Variants in FAM20C observed in about 807,000 individuals in gnomAD.
FAM20C encodes the protein FAM20C golgi associated secretory pathway kinase, also known as extracellular serine/threonine protein kinase FAM20C.
In FAM20C, 40 loss-of-function variants were observed where a neutral mutation model predicts 51.5. That is an observed-to-expected ratio of 0.78 (90% CI 0.60 to 1.01). FAM20C has a LOEUF of 1.01. Among genes scored for constraint, FAM20C ranks in the 50% least tolerant of loss-of-function variants. FAM20C has a pLI of 0.00. For missense variants in FAM20C, 861 were observed against 844.7 expected (o/e 1.02, Z -0.24); for synonymous variants, 406 against 380.6 (o/e 1.07, Z -0.78).
rs1406495991 is a variant in FAM20C, at chr7:260,767, C to G, written c.*787C>G. On this transcript the variant is annotated 3_prime_UTR_variant, in exon 10 of 10. Transcript: ENST00000313766. ...TGTGTGTCGGCCTCACGGGGCGGGTCCCTCACACCCTGGTGTGTGGCTGCC... is the reference window on the plus strand; with the variant it reads ...TGTGTGTCGGCCTCACGGGGCGGGTGCCTCACACCCTGGTGTGTGGCTGCC... 1 of 152,238 alleles carries G rather than the reference C, an allele frequency of 6.6e-6. No homozygotes were observed. The highest frequency in any genetic ancestry group is 2.4e-5 in the African/African-American group (1 of 41,470). The allele number at this position is 152,238 out of a possible 1,614,324, so 9.4% of individuals were successfully genotyped here.
At chr7:216,619 A>ATGAGTGTGTG (rs776848675) in intron 3 of FAM20C, among the ~76,000 whole-genome samples, 2,296 of 131,396 alleles carry the variant, frequency 0.017, 20 homozygotes, top group Middle Eastern at 0.069. Flanking sequence ...GTGTGTGTGT[A>ATGAGTGTGTG]TGAGTGTGTG....
At position 259,938 on chromosome 7, in the gene FAM20C, T is replaced by C. The variant is rs893498224; in HGVS notation, c.1713T>C (p.Asp571=). 1 of 1,531,336 alleles carries C rather than the reference T, an allele frequency of 6.5e-7. No homozygotes were observed. The highest frequency in any genetic ancestry group is 8.7e-7 in the Non-Finnish European group (1 of 1,142,974). 94.9% of individuals were successfully genotyped at this position (1,531,336 alleles called of 1,614,324 possible). A position where few individuals can be genotyped will look rare whatever the true frequency, so the allele number is the denominator to read the frequency against. The change falls in exon 10 of 10, where the codon GAT becomes GAC. Residue 571 remains aspartate (D), a synonymous_variant. Coordinates refer to ENST00000313766, the MANE Select transcript of FAM20C (RefSeq NM_020223.4). Reference sequence around the variant, plus strand: ...GGAACGGGCTCCACAGCGTGGTGGATGACGACCTGGACACTGAGCACAGAG... The same window carrying C: ...GGAACGGGCTCCACAGCGTGGTGGACGACGACCTGGACACTGAGCACAGAG... The part of the protein sequence containing the change: ...VERNGLHSVV[D]DDLDTEHRAA...
intron 2 of FAM20C, among the ~76,000 whole-genome samples, chr7:199,371 C>G (rs1786027929): frequency 6.6e-6 from 1 of 152,242 alleles, no homozygotes; most frequent in Non-Finnish European, 1.5e-5. Context: ...GCCCTGCCTT[C>G]CAACCACCGC....
intron 5 of FAM20C, among the ~76,000 whole-genome samples, chr7:250,897 C>T (rs1473526908): frequency 1.3e-5 from 2 of 152,252 alleles, no homozygotes; most frequent in East Asian, 3.8e-4. Flanking sequence ...GTGCCAGCGC[C>T]CCATGCAGTG....
At chr7:206,575 T>TCGGCCCCG (rs1423985262) in intron 2 of FAM20C, among the ~76,000 whole-genome samples, 2 of 74,852 alleles carry the variant, frequency 2.7e-5, no homozygotes, top group Admixed American at 1.3e-4. Context: ...CACTGTCCCC[T>TCGGCCCCG]CAGCCCCGCA....
chr7:222,895 G>T (rs1271735210), intron 3 of FAM20C, among the ~76,000 whole-genome samples: 1 of 152,104 alleles, frequency 6.6e-6, no homozygotes, highest in African/African-American at 2.4e-5. Flanking sequence ...GTGTACATGT[G>T]TAACGTGTGT....
At chr7:241,448 G>A (rs1322929587) in intron 3 of FAM20C, among the ~76,000 whole-genome samples, 3 of 152,306 alleles carry the variant, frequency 2.0e-5, no homozygotes, top group South Asian at 4.1e-4. Context: ...CACTAAATGC[G>A]CTTTCCCAGC....
chr7:228,425 C>G (rs1787526107), intron 3 of FAM20C: 1 of 455,814 alleles, frequency 2.2e-6, no homozygotes, highest in Admixed American at 2.4e-5. Flanking sequence ...TGAGGAGACC[C>G]CCAAGACTGG....
chr7:196,135 C>G (rs749963070), intron 2 of FAM20C, among the ~76,000 whole-genome samples: 4 of 152,218 alleles, frequency 2.6e-5, no homozygotes, highest in Non-Finnish European at 5.9e-5. Context: ...ACACACGACC[C>G]TGGCTGGGTG....
intron 3 of FAM20C, among the ~76,000 whole-genome samples, chr7:232,873 G>A (rs1787741847): frequency 6.6e-6 from 1 of 152,220 alleles, no homozygotes; most frequent in African/African-American, 2.4e-5. Context: ...GAGAAACAAC[G>A]AATCCTCTTG....
At position 214,467 on chromosome 7, in the gene FAM20C, T is replaced by C. The variant is rs540602547; in HGVS notation, c.863+5491T>C. Among the ~76,000 whole-genome samples, 6 of 152,364 alleles carry C rather than the reference T, an allele frequency of 3.9e-5. No individual in the cohort carries two copies. In the East Asian group the frequency reaches 1.2e-3, roughly 29 times the overall value. ...TGCTTTTGGTGTAATTACGTTTGAA[T>C]GCTGAAAGCACGTGTGTTAGGCGAA... On this transcript the variant is annotated intron_variant, in intron 3 of 9. Coordinates refer to ENST00000313766, the MANE Select transcript of FAM20C (RefSeq NM_020223.4).
intron 2 of FAM20C, 116 bp downstream of exon 2, chr7:195,848 G>A (rs1250069060): frequency 2.3e-5 from 24 of 1,035,456 alleles, no homozygotes; most frequent in African/African-American, 3.3e-5. Flanking sequence ...TTACGGCAGC[G>A]TCACCTCCTG....
intron 5 of FAM20C, among the ~76,000 whole-genome samples, chr7:251,551 C>T (rs1165939596): frequency 6.6e-6 from 1 of 151,942 alleles, no homozygotes; most frequent in African/African-American, 2.4e-5. Context: ...GATTATTAGT[C>T]CAAGCAGGTG....
intron 2 of FAM20C, among the ~76,000 whole-genome samples, chr7:203,034 G>A (rs1299814423): frequency 2.0e-5 from 3 of 152,216 alleles, no homozygotes; most frequent in Non-Finnish European, 2.9e-5. Flanking sequence ...AGAGGGAGAT[G>A]GAGGGAAGGT....
At chr7:212,431 C>T (rs907830624) in intron 3 of FAM20C, among the ~76,000 whole-genome samples, 4 of 152,210 alleles carry the variant, frequency 2.6e-5, no homozygotes, top group African/African-American at 9.7e-5. Context: ...CCACTGCACT[C>T]CAGCCTGAGG....
chr7:228,982 G>A (rs568111253), intron 3 of FAM20C: 393 of 374,510 alleles, frequency 1.0e-3, no homozygotes, highest in Non-Finnish European at 1.6e-3. Context: ...GGTGAGTAGC[G>A]ACACCAGGAC....
chr7:246,147 A>ACGTGCCTGCGCTGCTCTG, intron 3 of FAM20C: 1 of 349,732 alleles, frequency 2.9e-6, no homozygotes, highest in Non-Finnish European at 5.3e-6. Context: ...CCTCCGTCGC[A>ACGTGCCTGCGCTGCTCTG]AGGGCCTGCG....
chr7:209,981 C>G (rs73671769), intron 3 of FAM20C, among the ~76,000 whole-genome samples: 1 of 152,316 alleles, frequency 6.6e-6, no homozygotes, highest in Admixed American at 6.5e-5. Flanking sequence ...CCCCCAAGAC[C>G]CACGAGTCCT....
At chr7:259,568 T>TTCTCTGTGTATG (rs1315859974) in intron 9 of FAM20C, among the ~76,000 whole-genome samples, 163 bp from the exon 10 acceptor site, 1 of 40,924 alleles carries the variant, frequency 2.4e-5, no homozygotes, top group African/African-American at 1.7e-4. Flanking sequence ...GTGTCTCTCT[T>TTCTCTGTGTATG]TCTCTGTGTA....
Sources: allele counts gnomAD v4.1 joint callset (sites outside exome capture counted in the v4.1 genomes callset), GRCh38; gene constraint gnomAD v4.1.1; transcripts MANE v1.5; gene names NCBI Gene and HGNC (gene_info 2026-07-23, HGNC 2026-07-21).